Variants in LYRM4 observed in about 807,000 individuals in gnomAD.
The protein encoded by LYRM4 is LYR motif-containing protein 4.
LYRM4 carries 9 observed loss-of-function variants against 11.7 expected under a neutral mutation model. That is an observed-to-expected ratio of 0.77 (90% CI 0.46 to 1.34). The LOEUF (loss-of-function observed/expected upper bound fraction) is 1.34, where lower values mean the gene tolerates loss of function less well. Ranked by LOEUF, LYRM4 falls within the 40% of genes most tolerant of loss-of-function variation. The pLI, the probability that LYRM4 is intolerant of heterozygous loss-of-function variation, is 0.00. For missense variants in LYRM4, 133 were observed against 112.5 expected (o/e 1.18, Z -0.82); for synonymous variants, 42 against 40.4 (o/e 1.04, Z -0.15).
In LYRM4 at chr6:5,109,086, C is replaced by T; in HGVS notation, c.*337G>A. 9.3e-7 allele frequency: 1 copy of T among 1,081,050 alleles called. No individual in the cohort carries two copies. Among genetic ancestry groups the T allele is most frequent in the Non-Finnish European group, 1.1e-6 (1 of 888,284 alleles). The allele number at this position is 1,081,050 out of a possible 1,614,324, so 67.0% of individuals were successfully genotyped here. On this transcript the variant is annotated 3_prime_UTR_variant, in exon 3 of 3. Coordinates refer to ENST00000330636, the MANE Select transcript of LYRM4 (RefSeq NM_020408.6). ...GGGTCAAAGGCTCAGGGAGATCATT[C>T]TTTTTATTGCCAAGGACCAAGAAAC...
the LYRM4 span, among the ~76,000 whole-genome samples, chr6:5,055,937 T>C: frequency 2.0e-5 from 3 of 152,066 alleles, no homozygotes; most frequent in Non-Finnish European, 2.9e-5. The surrounding 1 kb of genome is among the most constrained non-coding windows in gnomAD (Gnocchi z 4.5). Flanking sequence ...TCTCCTTCCT[T>C]CTTTCCTTCC....
chr6:5,060,589 C>G, the LYRM4 span, among the ~76,000 whole-genome samples: 1 of 151,578 alleles, frequency 6.6e-6, no homozygotes, highest in Non-Finnish European at 1.5e-5. Flanking sequence ...CCATAGAAAA[C>G]TCACAAAAAT....
the LYRM4 span, chr6:5,033,415 AC>A: frequency 6.6e-6 from 1 of 152,124 alleles, no homozygotes; most frequent in Non-Finnish European, 1.5e-5. Context: ...ACTGCCCTAC[AC>A]CCCAGCATGT....
the LYRM4 span, among the ~76,000 whole-genome samples, chr6:5,093,236 G>A: frequency 6.6e-6 from 1 of 152,356 alleles, no homozygotes; most frequent in East Asian, 1.9e-4. Context: ...AATGAGCCCT[G>A]GAAGACTGCT....
intron 2 of LYRM4, among the ~76,000 whole-genome samples, chr6:5,190,547 T>C (rs766173140): frequency 3.5e-4 from 54 of 152,318 alleles, no homozygotes; most frequent in Non-Finnish European, 5.9e-4. Context: ...AACTTGACTA[T>C]CTCTCATGTG....
chr6:5,115,205 T>C (rs1203723885), intron 2 of LYRM4, among the ~76,000 whole-genome samples: 1 of 152,218 alleles, frequency 6.6e-6, no homozygotes, highest in African/African-American at 2.4e-5. Context: ...TTTTTCCTTA[T>C]AAAAGGTTTC....
chr6:5,053,054 TA>T, the LYRM4 span, among the ~76,000 whole-genome samples: 4 of 152,232 alleles, frequency 2.6e-5, no homozygotes, highest in Non-Finnish European at 5.9e-5. Context: ...AAAGGCAAGA[TA>T]TTTTTACTTC....
At chr6:5,095,992 A>G in the LYRM4 span, among the ~76,000 whole-genome samples, 1 of 152,116 alleles carries the variant, frequency 6.6e-6, no homozygotes. Flanking sequence ...AAAAACAAAA[A>G]ACAAAAAACA....
intron 2 of LYRM4, among the ~76,000 whole-genome samples, chr6:5,185,825 GAA>G (rs1302144533): frequency 6.6e-6 from 1 of 152,098 alleles, no homozygotes; most frequent in Admixed American, 6.5e-5. Flanking sequence ...TGATCACAGG[GAA>G]AGAGAGGGAC....
At chr6:5,239,489 T>G (rs551190647) in intron 1 of LYRM4, among the ~76,000 whole-genome samples, 13 of 151,958 alleles carry the variant, frequency 8.6e-5, no homozygotes, top group Admixed American at 8.5e-4. Context: ...GTTGTGGGCA[T>G]CTAGGGAGGG....
intron 2 of LYRM4, among the ~76,000 whole-genome samples, chr6:5,110,178 A>T (rs1428043315): frequency 1.3e-5 from 2 of 152,198 alleles, no homozygotes; most frequent in African/African-American, 2.4e-5. Flanking sequence ...GCATTTCCTG[A>T]GTGATACATT....
At position 5,221,647 on chromosome 6, in the gene LYRM4, G is replaced by A. The variant is rs1284428800; in HGVS notation, c.87-4909C>T. On this transcript the variant is annotated intron_variant, in intron 1 of 2. Coordinates refer to ENST00000330636, the MANE Select transcript of LYRM4 (RefSeq NM_020408.6). ...GCGGAAGTTGCAGTGAGCCAAGATC[G>A]CGCCACTGCACTCCAGCCTGGGCTA... Among the ~76,000 whole-genome samples the A allele has an allele frequency of 8.5e-5, 13 of 152,318 alleles. No individual in the cohort carries two copies. In the South Asian group the frequency reaches 1.2e-3, roughly 15 times the overall value.
intron 2 of LYRM4, among the ~76,000 whole-genome samples, chr6:5,177,829 A>G (rs2127673738): frequency 6.6e-6 from 1 of 152,294 alleles, no homozygotes; most frequent in African/African-American, 2.4e-5. Flanking sequence ...AGGGATGAGA[A>G]GTGATTCTCA....
intron 2 of LYRM4, among the ~76,000 whole-genome samples, chr6:5,206,096 T>C (rs1664166557): frequency 6.6e-6 from 1 of 152,206 alleles, no homozygotes; most frequent in South Asian, 2.1e-4. Flanking sequence ...GCTTTCCCTT[T>C]ATAGTCAGTT....
At position 5,217,589 on chromosome 6, in the gene LYRM4, C is replaced by T. The variant is rs115631366; in HGVS notation, c.87-851G>A. On this transcript the variant is annotated intron_variant, in intron 1 of 2. Transcript: ENST00000330636. ...TTATAATGTGTGTCTGGAATTTGGC[C>T]CAAAGCCTGTTACATAGAAAGACTC... Among the ~76,000 whole-genome samples the T allele has an allele frequency of 6.6e-3, 1,006 of 152,316 alleles. 4 individuals are homozygous for T. The highest frequency in any genetic ancestry group is 0.022 in the African/African-American group (910 of 41,562).
the LYRM4 span, chr6:5,086,439 C>T: frequency 2.0e-6 from 3 of 1,536,454 alleles, no homozygotes; most frequent in Non-Finnish European, 2.6e-6. Context: ...AAGAGGACGC[C>T]GACGAGCGCG....
At chr6:5,211,742 A>G (rs1561873689) in intron 2 of LYRM4, among the ~76,000 whole-genome samples, 1 of 152,240 alleles carries the variant, frequency 6.6e-6, no homozygotes, top group Non-Finnish European at 1.5e-5. Context: ...ATTATCTAGA[A>G]TTAGAACACA....
At chr6:5,194,794 G>T (rs141534601) in intron 2 of LYRM4, among the ~76,000 whole-genome samples, 1,750 of 152,290 alleles carry the variant, frequency 0.011, 31 homozygotes, top group African/African-American at 0.04. Context: ...CACGATCATA[G>T]CTCACTGCAG....
At chr6:5,195,919 C>A (rs1761026220) in intron 2 of LYRM4, among the ~76,000 whole-genome samples, 1 of 152,160 alleles carries the variant, frequency 6.6e-6, no homozygotes, top group Non-Finnish European at 1.5e-5. Context: ...TAGAAAAAAA[C>A]TTCCTCACAC....
Sources: gnomAD v4.1 joint callset for allele counts (sites outside exome capture counted in the v4.1 genomes callset) on GRCh38, gnomAD v4.1.1 for gene constraint, Gnocchi (gnomAD v3.1) non-coding constraint, MANE v1.5 for transcripts, NCBI Gene and HGNC (gene_info 2026-07-23, HGNC 2026-07-21) for gene names.